Variants in ACAD11 observed in about 807,000 individuals in gnomAD.
ACAD11 encodes acyl-CoA dehydrogenase family member 11.
ACAD11 carries 83 observed loss-of-function variants against 102.2 expected under a neutral mutation model. The observed-to-expected ratio is 0.81, with a 90% CI of 0.68 to 0.97. The LOEUF is 0.97. Ranked by LOEUF, ACAD11 falls within the 50% of genes least tolerant of loss-of-function variation. The pLI is 0.00. For synonymous variants in ACAD11, 324 were observed against 319.8 expected, an observed-to-expected ratio of 1.01 and a Z score of -0.14; for missense variants, 901 against 951.7, an observed-to-expected ratio of 0.95 and a Z score of 0.70.
At chr3:132,610,560 A>C (rs1939090155) in intron 11 of ACAD11, among the ~76,000 whole-genome samples, 1 of 152,216 alleles carries the variant, frequency 6.6e-6, no homozygotes, top group Non-Finnish European at 1.5e-5. Flanking sequence ...GATCCCACAG[A>C]AATACAAACT....
At chr3:132,571,692 C>T (rs1937387245) in intron 17 of ACAD11, among the ~76,000 whole-genome samples, 1 of 152,072 alleles carries the variant, frequency 6.6e-6, no homozygotes, top group African/African-American at 2.4e-5. Flanking sequence ...TCCAGCAACA[C>T]ATCAAAAGGC....
chr3:132,619,294 C>G (rs1939522324), intron 10 of ACAD11, among the ~76,000 whole-genome samples, 174 bp downstream of exon 10: 1 of 152,118 alleles, frequency 6.6e-6, no homozygotes, highest in South Asian at 2.1e-4. Flanking sequence ...ATATATAGAA[C>G]ACTACCTAGC....
intron 1 of ACAD11, chr3:132,647,613 T>A (rs1010105137): frequency 2.0e-5 from 3 of 152,232 alleles, no homozygotes; most frequent in Admixed American, 1.3e-4. Flanking sequence ...AGCAGACCCC[T>A]TGCAGCAGTC....
At chr3:132,605,068 C>T (rs2107827605) in intron 12 of ACAD11, 30 bp downstream of exon 12, 1 of 1,534,314 alleles carries the variant, frequency 6.5e-7, no homozygotes, top group South Asian at 1.1e-5. Context: ...CGACTGACTA[C>T]ACAAGGAGAG....
At chr3:132,632,670 G>C (rs998212775) in intron 5 of ACAD11, among the ~76,000 whole-genome samples, 2 of 152,174 alleles carry the variant, frequency 1.3e-5, no homozygotes, top group African/African-American at 4.8e-5. Context: ...ACCTTGGGCA[G>C]TATGGCCATT....
intron 17 of ACAD11, among the ~76,000 whole-genome samples, chr3:132,567,045 C>G (rs1021703705): frequency 6.6e-6 from 1 of 152,186 alleles, no homozygotes; most frequent in African/African-American, 2.4e-5. Context: ...GTGGCGTGAT[C>G]TCAGCTCACT....
chr3:132,637,865 A>G (rs976947677), intron 5 of ACAD11, among the ~76,000 whole-genome samples: 1 of 152,140 alleles, frequency 6.6e-6, no homozygotes, highest in Non-Finnish European at 1.5e-5. Flanking sequence ...CTTCTTTCTT[A>G]ATTGTTGTGT....
intron 13 of ACAD11, chr3:132,597,360 T>C (rs1047961456): frequency 6.6e-6 from 1 of 152,000 alleles, no homozygotes; most frequent in African/African-American, 2.4e-5. Context: ...CTGACTTGAA[T>C]ATTTTTTTAA....
chr3:132,631,525 C>T (rs765378338), intron 5 of ACAD11, 46 bp from the exon 6 acceptor site: 4 of 1,312,980 alleles, frequency 3.0e-6, no homozygotes, highest in Non-Finnish European at 4.0e-6. Context: ...AAACTTAAAA[C>T]AAGTATAATA....
At position 132,619,562 on chromosome 3, in the gene ACAD11, A is replaced by C; in HGVS notation, c.1198-17T>G. 1 of 1,476,620 alleles carries C rather than the reference A, an allele frequency of 6.8e-7. No individual in the cohort carries two copies. 91.5% of individuals were successfully genotyped at this position (1,476,620 alleles called of 1,614,324 possible). On this transcript the variant is annotated splice_polypyrimidine_tract_variant and intron_variant, in intron 9 of 19. Coordinates refer to ENST00000264990, the MANE Select transcript of ACAD11 (RefSeq NM_032169.5). ...AGTTACCTCCTTAAAGTAATAAAAG[A>C]AAAAAATTTCACTAGCTAAAGTTAA...
intron 5 of ACAD11, among the ~76,000 whole-genome samples, chr3:132,637,559 A>G (rs1940319284): frequency 6.6e-6 from 1 of 152,194 alleles, no homozygotes. Context: ...GTTTCTAATT[A>G]AATATATTTT....
At chr3:132,589,340 A>T (rs914951543) in intron 13 of ACAD11, among the ~76,000 whole-genome samples, 1 of 152,190 alleles carries the variant, frequency 6.6e-6, no homozygotes, top group Admixed American at 6.5e-5. Context: ...CTTACCTTTC[A>T]TTGTGGATCT....
intron 9 of ACAD11, among the ~76,000 whole-genome samples, chr3:132,619,907 T>C (rs1261548416): frequency 6.6e-6 from 1 of 152,158 alleles, no homozygotes; most frequent in African/African-American, 2.4e-5. Flanking sequence ...ATGAGAAAAT[T>C]CCTTGGAGGC....
intron 9 of ACAD11, among the ~76,000 whole-genome samples, chr3:132,625,716 T>C (rs1223476644): frequency 2.0e-5 from 3 of 152,230 alleles, no homozygotes; most frequent in Non-Finnish European, 4.4e-5. Flanking sequence ...CAAACTGTCC[T>C]ACAAACACAT....
chr3:132,583,397 T>G (rs1937648568), intron 13 of ACAD11, among the ~76,000 whole-genome samples: 1 of 152,198 alleles, frequency 6.6e-6, no homozygotes, highest in South Asian at 2.1e-4. Flanking sequence ...GGTGGTGATA[T>G]CCCCTTTATC....
At chr3:132,575,681 G>A (rs1937512210) in intron 17 of ACAD11, 91 bp downstream of exon 17, 1 of 1,489,806 alleles carries the variant, frequency 6.7e-7, no homozygotes, top group African/African-American at 1.4e-5. Context: ...GGTTCATGTA[G>A]AGAAAGTCTG....
chr3:132,566,781 C>G (rs1285484035), intron 17 of ACAD11, among the ~76,000 whole-genome samples: 1 of 152,016 alleles, frequency 6.6e-6, no homozygotes, highest in African/African-American at 2.4e-5. Flanking sequence ...AGGAAGTTCT[C>G]TAAATGGAAA....
chr3:132,572,459 C>G (rs1937407565), intron 17 of ACAD11, among the ~76,000 whole-genome samples: 1 of 152,174 alleles, frequency 6.6e-6, no homozygotes, highest in African/African-American at 2.4e-5. Flanking sequence ...ATTAAAATGA[C>G]TATACTGCCT....
intron 13 of ACAD11, chr3:132,600,723 A>G (rs1223735899): frequency 6.2e-7 from 1 of 1,613,952 alleles, no homozygotes; most frequent in East Asian, 2.2e-5. Flanking sequence ...GTTTTAGGGA[A>G]AATAATGTGC....
Sources: allele counts gnomAD v4.1 joint callset (sites outside exome capture counted in the v4.1 genomes callset), GRCh38; gene constraint gnomAD v4.1.1; transcripts MANE v1.5; gene names NCBI Gene and HGNC (gene_info 2026-07-23, HGNC 2026-07-21).